MEIOB: variants seen among roughly 807,000 people sequenced by gnomAD.
MEIOB encodes meiosis specific with OB-fold, also known as meiosis-specific with OB domain-containing protein.
Under a neutral mutation model 53.1 loss-of-function variants are expected in MEIOB, and 50 were observed. That is an observed-to-expected ratio of 0.94 (90% CI 0.75 to 1.19). The LOEUF is 1.19. Ranked by LOEUF, MEIOB falls within the 50% of genes most tolerant of loss-of-function variation. The pLI is 0.00. For synonymous variants in MEIOB, 192 were observed against 182.5 expected, an observed-to-expected ratio of 1.05 and a Z score of -0.42; for missense variants, 551 against 550.8, an observed-to-expected ratio of 1.00 and a Z score of 0.00.
intron 9 of MEIOB, among the ~76,000 whole-genome samples, chr16:1,848,170 A>G (rs1899070431): frequency 6.6e-6 from 1 of 151,752 alleles, no homozygotes; most frequent in African/African-American, 2.4e-5. Flanking sequence ...CCCTTCTTGT[A>G]GGCAAAAAGA....
At chr16:1,838,545 C>T (rs1446218286) in intron 12 of MEIOB, among the ~76,000 whole-genome samples, 2 of 152,096 alleles carry the variant, frequency 1.3e-5, no homozygotes, top group Non-Finnish European at 2.9e-5. Flanking sequence ...AAGGAGAAAA[C>T]GTGTAGCTGA....
At chr16:1,860,547 T>G in intron 4 of MEIOB, 72 bp from the exon 5 acceptor site, 8 of 805,656 alleles carry the variant, frequency 9.9e-6, no homozygotes, top group East Asian at 2.7e-5. Context: ...CTAAATAACA[T>G]CCTGTTTAAT....
chr16:1,862,173 C>A, intron 3 of MEIOB, 57 bp from the exon 4 acceptor site: 7 of 1,411,748 alleles, frequency 5.0e-6, no homozygotes, highest in Non-Finnish European at 6.8e-6. Flanking sequence ...CGCTTCTCTG[C>A]CTTTTGATAA....
At chr16:1,847,235 G>T (rs1899049247) in intron 9 of MEIOB, among the ~76,000 whole-genome samples, 1 of 151,832 alleles carries the variant, frequency 6.6e-6, no homozygotes, top group African/African-American at 2.4e-5. Context: ...GCTGAGGCAG[G>T]TGGATCACCT....
rs140642808 is a variant in MEIOB at position 1,844,539 on chromosome 16, G to C, written c.880+323C>G. ...CACCCAGGCTGGATCTCAGCTCACT[G>C]CAACCTCCACCTCCCAGGTTCAAGG... On this transcript the variant is annotated intron_variant, in intron 10 of 13. Coordinates refer to ENST00000325962, the MANE Select transcript of MEIOB (RefSeq NM_001163560.3). 4.3e-4 allele frequency among the ~76,000 whole-genome samples: 66 copies of C among 152,036 alleles called. 1 individual carries two copies. Among genetic ancestry groups the C allele is most frequent in the African/African-American group, 1.4e-3 (58 of 41,448 alleles).
intron 9 of MEIOB, 48 bp from the exon 10 acceptor site, chr16:1,845,011 T>C (rs998367976): frequency 1.2e-6 from 1 of 834,286 alleles, no homozygotes; most frequent in Non-Finnish European, 2.0e-6. Flanking sequence ...GATTATCATT[T>C]AAATCACATT....
At chr16:1,860,940 C>G (rs1215006742) in intron 4 of MEIOB, among the ~76,000 whole-genome samples, 1 of 152,064 alleles carries the variant, frequency 6.6e-6, no homozygotes, top group East Asian at 1.9e-4. Flanking sequence ...TTCTCTTTTT[C>G]TATCGTGAAG....
intron 9 of MEIOB, among the ~76,000 whole-genome samples, chr16:1,850,535 C>T (rs1899142081): frequency 6.6e-6 from 1 of 151,504 alleles, no homozygotes; most frequent in Non-Finnish European, 1.5e-5. Flanking sequence ...GAGATTGTGC[C>T]ACTGCACTCC....
intron 9 of MEIOB, among the ~76,000 whole-genome samples, chr16:1,849,653 TAAAGTA>T (rs1899113397): frequency 6.6e-6 from 1 of 151,816 alleles, no homozygotes; most frequent in African/African-American, 2.4e-5. Context: ...TGCCAGAACT[TAAAGTA>T]AAACTAAAAA....
At chr16:1,853,611 G>T (rs1899224997) in intron 7 of MEIOB, among the ~76,000 whole-genome samples, 1 of 152,214 alleles carries the variant, frequency 6.6e-6, no homozygotes, top group Non-Finnish European at 1.5e-5. Flanking sequence ...GTGTCCCCCA[G>T]TGGATAAACT....
At chr16:1,867,545 G>A (rs547919138) in intron 2 of MEIOB, among the ~76,000 whole-genome samples, 22 of 131,264 alleles carry the variant, frequency 1.7e-4, no homozygotes, top group African/African-American at 6.2e-4. Flanking sequence ...GTGCGATCTC[G>A]GCTCACTGAG....
rs553724565 is a variant in MEIOB, at chr16:1,861,207, T to C, written c.260-732A>G. ...TCAAAGTCTCCTGTTCTTCCTACTA[T>C]ATGAGGCTGTTCTGTCAAAGAGATA... On this transcript the variant is annotated intron_variant, in intron 4 of 13. Coordinates refer to ENST00000325962, the MANE Select transcript of MEIOB (RefSeq NM_001163560.3). Among the ~76,000 whole-genome samples, 19 of 152,322 alleles carry C rather than the reference T, an allele frequency of 1.2e-4. No homozygotes were observed. In the East Asian group the frequency reaches 2.9e-3, roughly 23 times the overall value.
intron 5 of MEIOB, 119 bp from the exon 6 acceptor site, chr16:1,858,049 T>C: frequency 1.6e-6 from 1 of 643,370 alleles, no homozygotes; most frequent in Non-Finnish European, 2.6e-6. Flanking sequence ...ATATATACTT[T>C]TTACTCTTAG....
Position 1,857,889 on chromosome 16 carries a change from T to G in MEIOB, c.374A>C (p.Lys125Thr). 1 of 1,551,196 alleles carries G rather than the reference T, an allele frequency of 6.4e-7. No homozygotes were observed. Residue 125 changes from lysine to threonine, a missense_variant, in exon 6 of 14, where the codon AAA (lysine) becomes ACA (threonine). Coordinates refer to ENST00000325962, the MANE Select transcript of MEIOB (RefSeq NM_001163560.3). ...GTCCACTTCATAACTGGAACAAACT[T>G]TTACTGTTGAGTGATTCTCACTGAG... Reference protein sequence around the residue: ...LLLSENHSTVKVCSSYEVDTK... With the variant: ...LLLSENHSTVTVCSSYEVDTK...
chr16:1,848,674 C>G (rs1187714260), intron 9 of MEIOB, among the ~76,000 whole-genome samples: 1 of 151,702 alleles, frequency 6.6e-6, no homozygotes, highest in Non-Finnish European at 1.5e-5. Context: ...TCCCTAGTAG[C>G]TGGGACTATA....
intron 12 of MEIOB, 46 bp from the exon 13 acceptor site, chr16:1,837,916 A>C: frequency 6.9e-7 from 1 of 1,457,452 alleles, no homozygotes; most frequent in Non-Finnish European, 9.1e-7. Context: ...AAGTTTACAA[A>C]GAAAATTCAT....
chr16:1,844,007 C>CTATAATATTTT (rs1254275628), intron 10 of MEIOB, among the ~76,000 whole-genome samples: 3 of 151,702 alleles, frequency 2.0e-5, no homozygotes, highest in Non-Finnish European at 4.4e-5. Flanking sequence ...ATCTATTTAT[C>CTATAATATTTT]TATAATATTT....
In MEIOB at chr16:1,839,448, AACAAAG is replaced by A. The variant is rs781620229; in HGVS notation, c.1035-16_1035-11del. 1.6e-5 allele frequency: 26 copies of A among 1,598,468 alleles called. No homozygotes were observed. The African/African-American group carries it at 3.4e-4, about 21-fold the overall frequency. On this transcript the variant is annotated splice_polypyrimidine_tract_variant and intron_variant, in intron 11 of 13. Transcript: ENST00000325962. ...ATAACCACAGCTGGAACTGAAAAGA[AACAAAG>A]ACAATGATAAAATGTGATGCCCTAA...
rs1899458544 is a variant in MEIOB, at chr16:1,862,097, G to A, written c.147C>T (p.Tyr49=). ...AATCCCGAATGGTGAAGCTGAAAGT[G>A]TACCTTTCTGATCCAATATCTAAGG... ...PDRKNIGSER[Y]TFSFTIRDSP... is the part of the protein sequence containing the mutation. The change falls in exon 4 of 14, where the codon TAC becomes TAT. Residue 49 remains tyrosine, a synonymous_variant. Transcript: ENST00000325962. 1 of 1,550,954 alleles carries A rather than the reference G, an allele frequency of 6.4e-7. No homozygotes were observed. The highest frequency in any genetic ancestry group is 1.2e-5 in the South Asian group (1 of 83,990).
Sources: gnomAD v4.1 joint callset for allele counts (sites outside exome capture counted in the v4.1 genomes callset) on GRCh38, gnomAD v4.1.1 for gene constraint, MANE v1.5 for transcripts, NCBI Gene and HGNC (gene_info 2026-07-23, HGNC 2026-07-21) for gene names.